TUSC3: variants seen among roughly 807,000 people sequenced by gnomAD.
TUSC3 encodes dolichyl-diphosphooligosaccharide--protein glycosyltransferase subunit TUSC3.
In TUSC3, 45 loss-of-function variants were observed where a neutral mutation model predicts 44.8. The observed-to-expected ratio is 1.00, with a 90% CI of 0.79 to 1.29. The LOEUF is 1.29. Among genes scored for constraint, TUSC3 ranks in the 50% most tolerant of loss-of-function variants. TUSC3 has a pLI of 0.00. For synonymous variants in TUSC3, 212 were observed against 152.9 expected (o/e 1.39, Z -2.85); for missense variants, 519 against 437.9 (o/e 1.19, Z -1.65).
At chr8:15,813,698 G>A in the TUSC3 span, among the ~76,000 whole-genome samples, 12 of 152,082 alleles carry the variant, frequency 7.9e-5, no homozygotes, top group Non-Finnish European at 1.5e-4. Context: ...CAACAAGTTT[G>A]CATTGAGCTC....
chr8:15,663,826 T>C (rs1807533815), intron 5 of TUSC3, among the ~76,000 whole-genome samples: 1 of 151,906 alleles, frequency 6.6e-6, no homozygotes, highest in Non-Finnish European at 1.5e-5. Context: ...AGTTGCTTAA[T>C]TCAGTAAAGC....
chr8:15,426,281 TAAC>T (rs1325701582), intron 1 of TUSC3, among the ~76,000 whole-genome samples: 1 of 152,196 alleles, frequency 6.6e-6, no homozygotes, highest in East Asian at 1.9e-4. Flanking sequence ...TCTACCCTCT[TAAC>T]AAATTTTGAA....
chr8:15,462,018 A>G (rs1219457049), intron 1 of TUSC3, among the ~76,000 whole-genome samples: 1 of 151,996 alleles, frequency 6.6e-6, no homozygotes, highest in Non-Finnish European at 1.5e-5. Flanking sequence ...TTCTTTACTT[A>G]CTTTTGAGCA....
intron 7 of TUSC3, among the ~76,000 whole-genome samples, chr8:15,731,113 A>G (rs1810704598): frequency 6.6e-6 from 1 of 152,078 alleles, no homozygotes; most frequent in South Asian, 2.1e-4. Context: ...CTCCCCTTAA[A>G]TATATGGTAT....
chr8:15,785,757 T>C, the TUSC3 span, among the ~76,000 whole-genome samples: 23 of 152,074 alleles, frequency 1.5e-4, no homozygotes, highest in African/African-American at 3.4e-4. Flanking sequence ...TAGTACAGAA[T>C]AGATGCCTAA....
chr8:15,472,828 G>C (rs1205329130), intron 1 of TUSC3, among the ~76,000 whole-genome samples: 1 of 152,168 alleles, frequency 6.6e-6, no homozygotes, highest in African/African-American at 2.4e-5. Flanking sequence ...AATGGCAAAT[G>C]CTTTGTGGAC....
At chr8:15,683,762 G>A (rs1412344121) in intron 6 of TUSC3, among the ~76,000 whole-genome samples, 2 of 152,066 alleles carry the variant, frequency 1.3e-5, no homozygotes, top group Non-Finnish European at 2.9e-5. Flanking sequence ...AGGAACTGGT[G>A]CTTCTTTTTC....
chr8:15,563,167 A>G (rs988555013), intron 1 of TUSC3, among the ~76,000 whole-genome samples: 10 of 152,200 alleles, frequency 6.6e-5, no homozygotes, highest in Non-Finnish European at 1.2e-4. Flanking sequence ...AATATAAGAC[A>G]TTTACCAATG....
rs1244337436 is a variant in TUSC3, at chr8:15,711,500, A to C, written c.799-19166A>C. ...TGTGTGTGTGTGTGTGTGTGTATTTAATATGTGTGTATATATATATATTTA... is the reference window on the plus strand; with the variant it reads ...TGTGTGTGTGTGTGTGTGTGTATTTCATATGTGTGTATATATATATATTTA... On this transcript the variant is annotated intron_variant, in intron 6 of 10. Transcript: ENST00000503731. Among the ~76,000 whole-genome samples the C allele has an allele frequency of 2.1e-5, 3 of 142,662 alleles. 1 individual carries two copies. The highest frequency in any genetic ancestry group is 4.7e-5 in the Non-Finnish European group (3 of 64,468). 93.6% of individuals were successfully genotyped at this position (142,662 alleles called of 152,430 possible).
At chr8:15,792,138 AC>A in the TUSC3 span, among the ~76,000 whole-genome samples, 1 of 152,028 alleles carries the variant, frequency 6.6e-6, no homozygotes, top group Non-Finnish European at 1.5e-5. Flanking sequence ...ACACACACAC[AC>A]ACACACCCTC....
At chr8:15,598,118 A>T (rs1804143512) in intron 1 of TUSC3, among the ~76,000 whole-genome samples, 1 of 151,890 alleles carries the variant, frequency 6.6e-6, no homozygotes, top group Admixed American at 6.6e-5. Context: ...TTGAAAGCAG[A>T]GTTTGCAGAG....
chr8:15,594,733 T>G (rs1249815094), intron 1 of TUSC3, among the ~76,000 whole-genome samples: 1 of 152,174 alleles, frequency 6.6e-6, no homozygotes, highest in Non-Finnish European at 1.5e-5. Flanking sequence ...GATACTACTC[T>G]TATGAATCAG....
intron 1 of TUSC3, among the ~76,000 whole-genome samples, chr8:15,481,579 C>T (rs563145791): frequency 5.9e-5 from 9 of 152,084 alleles, no homozygotes; most frequent in Admixed American, 2.0e-4. Context: ...TCCAGACCAC[C>T]GCAATAAAGC....
At chr8:15,779,314 C>T in the TUSC3 span, among the ~76,000 whole-genome samples, 1 of 152,246 alleles carries the variant, frequency 6.6e-6, no homozygotes, top group African/African-American at 2.4e-5. Context: ...GCAGTCCTCC[C>T]ACCTGGGCTT....
chr8:15,694,315 G>A (rs922721906), intron 6 of TUSC3, among the ~76,000 whole-genome samples: 5 of 151,574 alleles, frequency 3.3e-5, no homozygotes, highest in South Asian at 4.2e-4. Flanking sequence ...GGTGGCGTGC[G>A]CCGTTAATCC....
intron 1 of TUSC3, among the ~76,000 whole-genome samples, chr8:15,479,650 T>C (rs974357619): frequency 6.6e-6 from 1 of 152,184 alleles, no homozygotes; most frequent in Non-Finnish European, 1.5e-5. Flanking sequence ...TCTGTGTCTG[T>C]TTTGTACCAG....
chr8:15,634,805 A>G (rs1246650199), intron 2 of TUSC3, among the ~76,000 whole-genome samples: 1 of 152,202 alleles, frequency 6.6e-6, no homozygotes, highest in Non-Finnish European at 1.5e-5. Context: ...CCTTTTCTCC[A>G]GTTATCCCGT....
At chr8:15,725,435 C>G (rs764906713) in intron 6 of TUSC3, among the ~76,000 whole-genome samples, 5 of 152,116 alleles carry the variant, frequency 3.3e-5, no homozygotes, top group Non-Finnish European at 5.9e-5. Flanking sequence ...AAGGGACTTG[C>G]ATAAATTTAC....
chr8:15,469,774 C>A (rs1585056529), intron 1 of TUSC3, among the ~76,000 whole-genome samples: 1 of 152,152 alleles, frequency 6.6e-6, no homozygotes, highest in Non-Finnish European at 1.5e-5. Flanking sequence ...AATGGATAAA[C>A]TGTGGTACAT....
Sources: gnomAD v4.1 joint callset for allele counts (sites outside exome capture counted in the v4.1 genomes callset) on GRCh38, gnomAD v4.1.1 for gene constraint, MANE v1.5 for transcripts, NCBI Gene and HGNC (gene_info 2026-07-23, HGNC 2026-07-21) for gene names.